NGF: variants seen among roughly 807,000 people sequenced by gnomAD.
NGF encodes beta-nerve growth factor.
In NGF, 4 loss-of-function variants were observed where a neutral mutation model predicts 12.8. The ratio of observed to expected loss-of-function variants is 0.31; its 90% CI spans 0.15 to 0.72. NGF has a LOEUF of 0.72. NGF is among the 30% of genes least tolerant of loss of function. The pLI, the probability that NGF is intolerant of heterozygous loss-of-function variation, is 0.69. For synonymous variants in NGF, 140 were observed against 130.0 expected, an observed-to-expected ratio of 1.08 and a Z score of -0.52; for missense variants, 283 against 330.8, an observed-to-expected ratio of 0.86 and a Z score of 1.12.
intron 1 of NGF, among the ~76,000 whole-genome samples, chr1:115,302,724 G>A (rs1306518897): frequency 6.6e-6 from 1 of 152,160 alleles, no homozygotes; most frequent in African/African-American, 2.4e-5. Context: ...TTTTGTCCCC[G>A]GGAAGGTGGG....
chr1:115,297,214 C>A (rs1472195465), intron 1 of NGF, among the ~76,000 whole-genome samples: 1 of 152,184 alleles, frequency 6.6e-6, no homozygotes, highest in South Asian at 2.1e-4. Flanking sequence ...TGCGGTTTAA[C>A]CAGCTCTGCA....
chr1:115,313,045 T>C (rs1024810938), intron 1 of NGF, among the ~76,000 whole-genome samples: 1 of 152,232 alleles, frequency 6.6e-6, no homozygotes, highest in Non-Finnish European at 1.5e-5. Context: ...GCATTTTGAG[T>C]TGACCAATGC....
intron 1 of NGF, among the ~76,000 whole-genome samples, chr1:115,324,546 T>C (rs1471464266): frequency 6.6e-6 from 1 of 152,136 alleles, no homozygotes; most frequent in Non-Finnish European, 1.5e-5. Flanking sequence ...TCCTACTCAC[T>C]TTCTTTCCTG....
chr1:115,293,125 A>G (rs994787105), intron 2 of NGF, among the ~76,000 whole-genome samples: 1 of 152,138 alleles, frequency 6.6e-6, no homozygotes, highest in Admixed American at 6.5e-5. Context: ...TATTTTAACA[A>G]TGAGAAACCA....
At chr1:115,334,499 A>G (rs1655057758) in intron 1 of NGF, among the ~76,000 whole-genome samples, 1 of 152,168 alleles carries the variant, frequency 6.6e-6, no homozygotes, top group African/African-American at 2.4e-5. Context: ...GCAAAGGATG[A>G]CACTTGGTGG....
At chr1:115,307,428 G>A (rs1187879670) in intron 1 of NGF, among the ~76,000 whole-genome samples, 1 of 152,146 alleles carries the variant, frequency 6.6e-6, no homozygotes, top group Non-Finnish European at 1.5e-5. Context: ...ACCAGAGAAA[G>A]AGACAGAGAC....
chr1:115,286,048 G>T lies in NGF; in HGVS notation c.*22C>A. ...GCCCAGGAGAGTGTAGAAGGGGCAGGGGGAGGGAGCGTGTCGGCAGGTCAG... is the reference window on the plus strand; with the variant it reads ...GCCCAGGAGAGTGTAGAAGGGGCAGTGGGAGGGAGCGTGTCGGCAGGTCAG... On this transcript the variant is annotated 3_prime_UTR_variant, in exon 3 of 3. Coordinates refer to ENST00000369512, the MANE Select transcript of NGF (RefSeq NM_002506.3). The T allele has an allele frequency of 1.2e-6, 2 of 1,612,242 alleles. No individual in the cohort carries two copies. Among genetic ancestry groups the T allele is most frequent in the Non-Finnish European group, 1.7e-6 (2 of 1,179,356 alleles).
chr1:115,289,401 A>C (rs1653615453), intron 2 of NGF, among the ~76,000 whole-genome samples: 1 of 152,062 alleles, frequency 6.6e-6, no homozygotes, highest in South Asian at 2.1e-4. Flanking sequence ...ACCTCTCCCT[A>C]TTCCCCATTA....
intron 1 of NGF, among the ~76,000 whole-genome samples, chr1:115,337,733 C>T (rs1333332229): frequency 1.3e-5 from 2 of 152,198 alleles, no homozygotes; most frequent in Admixed American, 6.5e-5. Flanking sequence ...CAGCACTTTC[C>T]CTACTCGGCG....
chr1:115,286,107 A>G lies in NGF; in HGVS notation c.689T>C (p.Val230Ala), dbSNP rs767703003. The G allele has an allele frequency of 3.0e-5, 49 of 1,613,628 alleles. No homozygotes were observed. Among genetic ancestry groups the G allele is most frequent in the Non-Finnish European group, 4.0e-5 (47 of 1,179,836 alleles). ...CACAGCCTTCCTGCTGAGCACACAC[A>G]CACAGGCCGTATCTATCCGGATAAA... ...WRFIRIDTAC[V>A]CVLSRKAVRR... Residue 230 changes from valine to alanine, a missense_variant, in exon 3 of 3, where the codon GTG (valine) becomes GCG (alanine). Coordinates refer to ENST00000369512, the MANE Select transcript of NGF (RefSeq NM_002506.3).
rs888560046 is a variant in NGF at position 115,333,186 on chromosome 1, C to G, written c.-137+5018G>C. Among the ~76,000 whole-genome samples, 6 of 152,176 alleles carry G rather than the reference C, an allele frequency of 3.9e-5. No homozygotes were observed. The East Asian group carries it at 1.2e-3, about 29-fold the overall frequency. On this transcript the variant is annotated intron_variant, in intron 1 of 2. Coordinates refer to ENST00000369512, the MANE Select transcript of NGF (RefSeq NM_002506.3). ...GGGGAGGTGACCTATACCACCAACT[C>G]TGACTACTGAAGGAGCAGCCAAAGG...
chr1:115,317,051 C>T (rs997977104), intron 1 of NGF, among the ~76,000 whole-genome samples: 9 of 151,908 alleles, frequency 5.9e-5, no homozygotes, highest in East Asian at 3.9e-4. Flanking sequence ...ATTTCACAAG[C>T]GCCTGGCCCC....
chr1:115,300,450 G>T (rs1654001298), intron 1 of NGF, among the ~76,000 whole-genome samples: 1 of 152,168 alleles, frequency 6.6e-6, no homozygotes, highest in South Asian at 2.1e-4. Context: ...CTGGACTTCA[G>T]TTTCACTGCA....
intron 2 of NGF, among the ~76,000 whole-genome samples, chr1:115,287,428 A>G (rs1409014635): frequency 1.3e-5 from 2 of 152,170 alleles, no homozygotes; most frequent in African/African-American, 4.8e-5. Flanking sequence ...CTCTGGGACC[A>G]TCTTAGTCCA....
chr1:115,313,293 G>T (rs4240543), intron 1 of NGF, among the ~76,000 whole-genome samples: 127,149 of 151,848 alleles, frequency 0.84, 53,600 homozygotes, highest in African/African-American at 0.93. Context: ...AATCTTTGGA[G>T]TTGTCTTTTC....
intron 2 of NGF, among the ~76,000 whole-genome samples, chr1:115,289,600 C>T (rs1412638732): frequency 6.6e-6 from 1 of 152,206 alleles, no homozygotes; most frequent in South Asian, 2.1e-4. Flanking sequence ...AAATGCAAGA[C>T]ATCCAAAACA....
chr1:115,304,783 C>T (rs1038312730), intron 1 of NGF, among the ~76,000 whole-genome samples: 1 of 152,190 alleles, frequency 6.6e-6, no homozygotes, highest in Non-Finnish European at 1.5e-5. Flanking sequence ...AGGCCCTGAG[C>T]ATAGCTGTCT....
chr1:115,297,093 G>A (rs771120506), intron 1 of NGF, among the ~76,000 whole-genome samples: 16 of 152,340 alleles, frequency 1.1e-4, no homozygotes, highest in South Asian at 4.1e-4. Context: ...TTCTCAAAGT[G>A]TGATTCCATA....
intron 1 of NGF, among the ~76,000 whole-genome samples, chr1:115,311,406 G>A (rs1305596683): frequency 1.3e-5 from 2 of 152,100 alleles, no homozygotes; most frequent in Admixed American, 6.5e-5. Context: ...CACCTCTGAT[G>A]CTTTATGTAT....
Sources: gnomAD v4.1 joint callset for allele counts (sites outside exome capture counted in the v4.1 genomes callset) on GRCh38, gnomAD v4.1.1 for gene constraint, MANE v1.5 for transcripts, NCBI Gene and HGNC (gene_info 2026-07-23, HGNC 2026-07-21) for gene names.